ATXN7L3B: variants seen among roughly 807,000 people sequenced by gnomAD.
ATXN7L3B encodes ataxin-7-like protein 3B.
In ATXN7L3B, 4 loss-of-function variants were observed where a neutral mutation model predicts 6.3. The ratio of observed to expected loss-of-function variants is 0.63; its 90% confidence interval spans 0.31 to 1.45. The LOEUF is 1.45. ATXN7L3B is among the 40% of genes most tolerant of loss of function. The pLI is 0.07. For synonymous variants in ATXN7L3B, 63 were observed against 48.0 expected, an observed-to-expected ratio of 1.31 and a Z score of -1.29; for missense variants, 120 against 118.5, an observed-to-expected ratio of 1.01 and a Z score of -0.06.
chr12:74,538,870 T>C lies in ATXN7L3B; in HGVS notation c.*464T>C, dbSNP rs961349204. On this transcript the variant is annotated 3_prime_UTR_variant, in exon 1 of 1. Coordinates refer to ENST00000519948, the MANE Select transcript of ATXN7L3B (RefSeq NM_001136262.2). ...TCCTTTGATATCTGAACCTCTGTTATGGGCTTCTCTGAGACAAGTAAATGT... is the reference window on the plus strand; with the variant it reads ...TCCTTTGATATCTGAACCTCTGTTACGGGCTTCTCTGAGACAAGTAAATGT... 2 of 174,788 alleles carry C rather than the reference T, an allele frequency of 1.1e-5. No homozygotes were observed. The highest frequency in any genetic ancestry group is 2.4e-5 in the African/African-American group (1 of 41,580). The allele number at this position is 174,788 out of a possible 1,614,324, so 10.8% of individuals were successfully genotyped here. A position where few individuals can be genotyped will look rare whatever the true frequency, so the allele number is the denominator to read the frequency against.
In ATXN7L3B at chr12:74,538,663, A is replaced by G. The variant is rs1003870802; in HGVS notation, c.*257A>G. On this transcript the variant is annotated 3_prime_UTR_variant, in exon 1 of 1. Coordinates refer to ENST00000519948, the MANE Select transcript of ATXN7L3B (RefSeq NM_001136262.2). Reference sequence around the variant, plus strand: ...GGCCATGCAGTGCCTGTTGATCTCTAAACACACCAGGATGTGCGCAAGATC... The same window carrying G: ...GGCCATGCAGTGCCTGTTGATCTCTGAACACACCAGGATGTGCGCAAGATC... The G allele has an allele frequency of 6.0e-6, 3 of 502,556 alleles. No homozygotes were observed. Among genetic ancestry groups the G allele is most frequent in the South Asian group, 2.2e-5 (1 of 44,732 alleles). 31.1% of individuals were successfully genotyped at this position (502,556 alleles called of 1,614,324 possible).
In ATXN7L3B at chr12:74,544,974, C is replaced by T. The variant is rs1868987067; in HGVS notation, c.*6568C>T. On this transcript the variant is annotated 3_prime_UTR_variant, in exon 1 of 1. Coordinates refer to ENST00000519948, the MANE Select transcript of ATXN7L3B (RefSeq NM_001136262.2). ...ATGGCCAAAAAGTTGTAAAAGTTCC[C>T]TTAGGTTCAAAGAAATGCAAACTAA... is the stretch of plus-strand genomic sequence containing the variant. 1 of 151,978 alleles carries T rather than the reference C, an allele frequency of 6.6e-6. No homozygotes were observed. Among genetic ancestry groups the T allele is most frequent in the African/African-American group, 2.4e-5 (1 of 41,438 alleles). The allele number at this position is 151,978 out of a possible 1,614,324, so 9.4% of individuals were successfully genotyped here.
In ATXN7L3B at chr12:74,538,167, C is replaced by G. The variant is rs781336704; in HGVS notation, c.55C>G (p.Gln19Glu). The change falls in exon 1 of 1, where the codon CAG becomes GAG. Residue 19 changes from glutamine to glutamate, a missense_variant. Physicochemically the swap from Gln to Glu is conservative, Grantham distance 29 (BLOSUM62 2). Transcript: ENST00000519948. ...TACTAACAAGCTAGAGGCCATCGCT[C>G]AGGAGATTTACGTAGACCTGATAGA... ...LDTNKLEAIA[Q>E]EIYVDLIEDS... is the part of the protein sequence containing the mutation. 2 of 1,589,624 alleles carry G rather than the reference C, an allele frequency of 1.3e-6. No homozygotes were observed. Among genetic ancestry groups the G allele is most frequent in the Non-Finnish European group, 1.7e-6 (2 of 1,167,928 alleles).
rs1442659902 is a variant in ATXN7L3B at position 74,538,851 on chromosome 12, G to A, written c.*445G>A. 5.5e-6 allele frequency: 1 copy of A among 181,294 alleles called. No individual in the cohort carries two copies. The highest frequency in any genetic ancestry group is 2.4e-5 in the African/African-American group (1 of 41,756). The allele number at this position is 181,294 out of a possible 1,614,324, so 11.2% of individuals were successfully genotyped here. On this transcript the variant is annotated 3_prime_UTR_variant, in exon 1 of 1. Coordinates refer to ENST00000519948, the MANE Select transcript of ATXN7L3B (RefSeq NM_001136262.2). Reference sequence around the variant, plus strand: ...TGGCCTGCAGTGGGACTGCTCCTTTGATATCTGAACCTCTGTTATGGGCTT... The same window carrying A: ...TGGCCTGCAGTGGGACTGCTCCTTTAATATCTGAACCTCTGTTATGGGCTT...
In ATXN7L3B at chr12:74,544,179, A is replaced by G. The variant is rs1045767990; in HGVS notation, c.*5773A>G. 1.3e-5 allele frequency: 2 copies of G among 152,066 alleles called. No homozygotes were observed. The highest frequency in any genetic ancestry group is 2.9e-5 in the Non-Finnish European group (2 of 67,874). 9.4% of individuals were successfully genotyped at this position (152,066 alleles called of 1,614,324 possible). A position where few individuals can be genotyped will look rare whatever the true frequency, so the allele number is the denominator to read the frequency against. On this transcript the variant is annotated 3_prime_UTR_variant, in exon 1 of 1. Transcript: ENST00000519948. The stretch of plus-strand genomic sequence containing the variant: ...AGAATGTAATTCAACAAGTTATAAC[A>G]GTCCTATGAAATAATATCACAAGAA...
rs1420691654 is a variant in ATXN7L3B at position 74,544,362 on chromosome 12, G to C, written c.*5956G>C. 1 of 151,948 alleles carries C rather than the reference G, an allele frequency of 6.6e-6. No homozygotes were observed. The highest frequency in any genetic ancestry group is 1.5e-5 in the Non-Finnish European group (1 of 67,850). The allele number at this position is 151,948 out of a possible 1,614,324, so 9.4% of individuals were successfully genotyped here. ...TCTGTATTACAATCCAAATAGATGT[G>C]CTCATGGAACTTGACAAATTAATTT... On this transcript the variant is annotated 3_prime_UTR_variant, in exon 1 of 1. Coordinates refer to ENST00000519948, the MANE Select transcript of ATXN7L3B (RefSeq NM_001136262.2).
rs986042035 is a variant in ATXN7L3B at position 74,544,039 on chromosome 12, T to A, written c.*5633T>A. ...GACATCTACATCTACATGGATAATT[T>A]TATAGAATCTACAAACATACCATTG... On this transcript the variant is annotated 3_prime_UTR_variant, in exon 1 of 1. Coordinates refer to ENST00000519948, the MANE Select transcript of ATXN7L3B (RefSeq NM_001136262.2). 6.6e-6 allele frequency: 1 copy of A among 152,026 alleles called. No homozygotes were observed. The highest frequency in any genetic ancestry group is 1.5e-5 in the Non-Finnish European group (1 of 67,868). The allele number at this position is 152,026 out of a possible 1,614,324, so 9.4% of individuals were successfully genotyped here. A position where few individuals can be genotyped will look rare whatever the true frequency, so the allele number is the denominator to read the frequency against.
chr12:74,538,292 C>T lies in ATXN7L3B; in HGVS notation c.180C>T (p.Gly60=), dbSNP rs973485776. 9 of 1,561,366 alleles carry T rather than the reference C, an allele frequency of 5.8e-6. No individual in the cohort carries two copies. Among genetic ancestry groups the T allele is most frequent in the African/African-American group, 1.4e-5 (1 of 73,364 alleles). The change falls in exon 1 of 1, where the codon GGC becomes GGT. Residue 60 remains glycine, a synonymous_variant. Coordinates refer to ENST00000519948, the MANE Select transcript of ATXN7L3B (RefSeq NM_001136262.2). ...AGACTGGTAGCGTGAAGGATTTTGG[C>T]ATTCAGCCAGTGGAAGACAAAGGAG... ...FAETGSVKDF[G]IQPVEDKGAC...
chr12:74,542,751 C>T lies in ATXN7L3B; in HGVS notation c.*4345C>T, dbSNP rs895065412. The T allele has an allele frequency of 1.3e-5, 2 of 152,126 alleles. No individual in the cohort carries two copies. Among genetic ancestry groups the T allele is most frequent in the Non-Finnish European group, 2.9e-5 (2 of 67,980 alleles). 9.4% of individuals were successfully genotyped at this position (152,126 alleles called of 1,614,324 possible). ...AATTCAGGAAGAACTTTCTTGTGCA[C>T]ACATTAATAAGTAACATTGCCTTCT... On this transcript the variant is annotated 3_prime_UTR_variant, in exon 1 of 1. Transcript: ENST00000519948.
Position 74,539,940 on chromosome 12 carries a change from T to C in ATXN7L3B, c.*1534T>C, listed in dbSNP as rs752705206. 166 of 167,782 alleles carry C rather than the reference T, an allele frequency of 9.9e-4. 1 individual carries two copies. Among genetic ancestry groups the C allele is most frequent in the Non-Finnish European group, 6.6e-4 (45 of 68,584 alleles). The allele number at this position is 167,782 out of a possible 1,614,324, so 10.4% of individuals were successfully genotyped here. ...GTCTGGCTTGGCCCTGTGTTCCTCC[T>C]GTCCCCTGCTCCACTGCCTATCTGG... On this transcript the variant is annotated 3_prime_UTR_variant, in exon 1 of 1. Coordinates refer to ENST00000519948, the MANE Select transcript of ATXN7L3B (RefSeq NM_001136262.2).
Position 74,539,603 on chromosome 12 carries a change from CT to C in ATXN7L3B, c.*1200del, listed in dbSNP as rs1163386569. ...ATGGTGAACATCCAGACTGTCACCA[CT>C]TTCTGTCTGCCGCTCGAAAGGGATA... is the stretch of plus-strand genomic sequence containing the variant. On this transcript the variant is annotated 3_prime_UTR_variant, in exon 1 of 1. Coordinates refer to ENST00000519948, the MANE Select transcript of ATXN7L3B (RefSeq NM_001136262.2). 1 of 167,148 alleles carries C rather than the reference CT, an allele frequency of 6.0e-6. No homozygotes were observed. The highest frequency in any genetic ancestry group is 2.4e-5 in the African/African-American group (1 of 41,454). The allele number at this position is 167,148 out of a possible 1,614,324, so 10.4% of individuals were successfully genotyped here.
rs1181523882 is a variant in ATXN7L3B at position 74,539,735 on chromosome 12, G to GT, written c.*1330dup. The GT allele has an allele frequency of 6.0e-6, 1 of 167,108 alleles. No individual in the cohort carries two copies. Among genetic ancestry groups the GT allele is most frequent in the Admixed American group, 6.5e-5 (1 of 15,280 alleles). 10.4% of individuals were successfully genotyped at this position (167,108 alleles called of 1,614,324 possible). A position where few individuals can be genotyped will look rare whatever the true frequency, so the allele number is the denominator to read the frequency against. On this transcript the variant is annotated 3_prime_UTR_variant, in exon 1 of 1. Coordinates refer to ENST00000519948, the MANE Select transcript of ATXN7L3B (RefSeq NM_001136262.2). The stretch of plus-strand genomic sequence containing the variant: ...CAGAATCTCCTGACTTTAGGGAATG[G>GT]TATAGGGGAAGATGGGAAGTAAGAG...
Position 74,539,750 on chromosome 12 carries a change from G to C in ATXN7L3B, c.*1344G>C, listed in dbSNP as rs1868833899. On this transcript the variant is annotated 3_prime_UTR_variant, in exon 1 of 1. Transcript: ENST00000519948. ...TTAGGGAATGGTATAGGGGAAGATG[G>C]GAAGTAAGAGTCACATATCAAAACT... The C allele has an allele frequency of 6.0e-6, 1 of 167,078 alleles. No homozygotes were observed. The highest frequency in any genetic ancestry group is 2.1e-4 in the South Asian group (1 of 4,826). 10.3% of individuals were successfully genotyped at this position (167,078 alleles called of 1,614,324 possible).
Position 74,539,395 on chromosome 12 carries a change from T to C in ATXN7L3B, c.*989T>C, listed in dbSNP as rs1343304270. ...GGCAGGACTGAAGTATGGAAGAGCA[T>C]CATGGCTGTGCAGGAGGCTGTGGTT... On this transcript the variant is annotated 3_prime_UTR_variant, in exon 1 of 1. Transcript: ENST00000519948. 1.8e-5 allele frequency: 3 copies of C among 167,184 alleles called. No homozygotes were observed. The highest frequency in any genetic ancestry group is 6.5e-5 in the Admixed American group (1 of 15,288). The allele number at this position is 167,184 out of a possible 1,614,324, so 10.4% of individuals were successfully genotyped here. A position where few individuals can be genotyped will look rare whatever the true frequency, so the allele number is the denominator to read the frequency against.
Position 74,539,110 on chromosome 12 carries a change from T to G in ATXN7L3B, c.*704T>G, listed in dbSNP as rs1430425254. The G allele has an allele frequency of 1.2e-5, 2 of 167,220 alleles. No homozygotes were observed. The highest frequency in any genetic ancestry group is 2.9e-5 in the Non-Finnish European group (2 of 68,228). The allele number at this position is 167,220 out of a possible 1,614,324, so 10.4% of individuals were successfully genotyped here. The stretch of plus-strand genomic sequence containing the variant: ...GAGCCCTCTTCCTTGCCCTCCAACC[T>G]GGTGGCATAGGCTTGGCAAATGGAC... On this transcript the variant is annotated 3_prime_UTR_variant, in exon 1 of 1. Transcript: ENST00000519948.
At position 74,542,552 on chromosome 12, in the gene ATXN7L3B, A is replaced by C. The variant is rs895873275; in HGVS notation, c.*4146A>C. ...AGGTTATTTCTTATGTTTTCTGACT[A>C]GTATGATCTTTAAAGAAAAAAAAAA... On this transcript the variant is annotated 3_prime_UTR_variant, in exon 1 of 1. Coordinates refer to ENST00000519948, the MANE Select transcript of ATXN7L3B (RefSeq NM_001136262.2). 2.4e-5 allele frequency: 3 copies of C among 124,540 alleles called. No individual in the cohort carries two copies. Among genetic ancestry groups the C allele is most frequent in the African/African-American group, 8.6e-5 (3 of 34,828 alleles). The allele number at this position is 124,540 out of a possible 1,614,324, so 7.7% of individuals were successfully genotyped here.
rs1261697986 is a variant in ATXN7L3B, at chr12:74,543,375, G to GA, written c.*4974dup. On this transcript the variant is annotated 3_prime_UTR_variant, in exon 1 of 1. Coordinates refer to ENST00000519948, the MANE Select transcript of ATXN7L3B (RefSeq NM_001136262.2). ...AACGACTAATTAAAAACAAAACAAT[G>GA]AAAAATCCATGATGCTTATGAACAA... 2 of 151,892 alleles carry GA rather than the reference G, an allele frequency of 1.3e-5. No individual in the cohort carries two copies. The highest frequency in any genetic ancestry group is 4.8e-5 in the African/African-American group (2 of 41,404). 9.4% of individuals were successfully genotyped at this position (151,892 alleles called of 1,614,324 possible).
rs1868903977 is a variant in ATXN7L3B at position 74,541,726 on chromosome 12, A to C, written c.*3320A>C. 1 of 152,172 alleles carries C rather than the reference A, an allele frequency of 6.6e-6. No individual in the cohort carries two copies. The highest frequency in any genetic ancestry group is 1.5e-5 in the Non-Finnish European group (1 of 68,028). 9.4% of individuals were successfully genotyped at this position (152,172 alleles called of 1,614,324 possible). ...TAAGATAAATCCAGTCCTGTCACTA[A>C]AAGCCCACTGTGACAGATAGTTCCA... On this transcript the variant is annotated 3_prime_UTR_variant, in exon 1 of 1. Transcript: ENST00000519948.
rs914723707 is a variant in ATXN7L3B at position 74,540,271 on chromosome 12, A to G, written c.*1865A>G. 1.8e-5 allele frequency: 3 copies of G among 167,022 alleles called. No individual in the cohort carries two copies. The highest frequency in any genetic ancestry group is 4.4e-5 in the Non-Finnish European group (3 of 68,126). The allele number at this position is 167,022 out of a possible 1,614,324, so 10.3% of individuals were successfully genotyped here. On this transcript the variant is annotated 3_prime_UTR_variant, in exon 1 of 1. Transcript: ENST00000519948. ...CCCTCTTGCTGTGTCTTACTTCATA[A>G]GGAGTTGTATCTTCCCACCTCCATT...
Sources: gnomAD v4.1 joint callset for allele counts on GRCh38, gnomAD v4.1.1 for gene constraint, MANE v1.5 for transcripts, NCBI Gene and HGNC (gene_info 2026-07-23, HGNC 2026-07-21) for gene names.